The following SLIT1 variants were observed in gnomAD, a reference collection of about 807,000 sequenced individuals.
SLIT1 encodes slit homolog 1 protein.
In SLIT1, 66 loss-of-function variants were observed where a neutral mutation model predicts 186.1. The ratio of observed to expected loss-of-function variants is 0.35; its 90% CI spans 0.29 to 0.44. The LOEUF (loss-of-function observed/expected upper bound fraction) is 0.44. Among genes scored for constraint, SLIT1 ranks in the 20% least tolerant of loss-of-function variants. The pLI is 1.00. For missense variants in SLIT1, 1,638 were observed against 2,037.4 expected (o/e 0.80, Z 3.77); for synonymous variants, 761 against 833.8 (o/e 0.91, Z 1.50).
At chr10:97,143,483 A>G (rs533483260) in intron 4 of SLIT1, among the ~76,000 whole-genome samples, 8 of 152,334 alleles carry the variant, frequency 5.3e-5, no homozygotes, top group African/African-American at 1.9e-4. Context: ...CTGTGGGGAG[A>G]AGGGAATAGA....
At chr10:97,046,561 G>T (rs1815944545) in intron 18 of SLIT1, 93 bp downstream of exon 18, 1 of 1,310,558 alleles carries the variant, frequency 7.6e-7, no homozygotes. Flanking sequence ...CTGGGCCCAG[G>T]GGAGGGGCTC....
In SLIT1 at chr10:97,064,217, T is replaced by C; in HGVS notation, c.580A>G (p.Thr194Ala). 1 of 1,613,342 alleles carries C rather than the reference T, an allele frequency of 6.2e-7. No homozygotes were observed. Among genetic ancestry groups the C allele is most frequent in the Non-Finnish European group, 8.5e-7 (1 of 1,179,764 alleles). The part of the protein sequence containing the change: ...EVLTLNNNNI[T>A]TIPVSSFNHM... ...TTGAAGCTGGACACGGGGATGGTGG[T>C]GATATTGTTGTTGTTCAGGGTCCTA... Residue 194 changes from threonine (T) to alanine (A), a missense_variant, in exon 7 of 37, where the codon ACC (threonine) becomes GCC (alanine). Physicochemically the swap from Thr to Ala is moderately conservative, Grantham distance 58. Around this residue, in one of 3 missense-constraint regions of SLIT1, gnomAD observed 1,245 missense variants for 1,535.3 expected, o/e 0.81. Transcript: ENST00000266058.
chr10:97,134,385 T>G (rs1017535257), intron 4 of SLIT1, among the ~76,000 whole-genome samples: 2 of 152,176 alleles, frequency 1.3e-5, no homozygotes, highest in Non-Finnish European at 2.9e-5. Context: ...GGCCGCGGTT[T>G]CCTGGCAACC....
Position 97,157,858 on chromosome 10 carries a change from G to A in SLIT1, c.373C>T (p.Pro125Ser). Residue 125 changes from proline (P) to serine (S), a missense_variant, in exon 4 of 37, where the codon CCG (proline) becomes TCG (serine). Around this residue, in one of 3 missense-constraint regions of SLIT1, gnomAD observed 1,245 missense variants for 1,535.3 expected, o/e 0.81. Coordinates refer to ENST00000266058, the MANE Select transcript of SLIT1 (RefSeq NM_003061.3). ...TGGTTGTTCTGGAACAGCAGTTCCGGTAACATGTGCAGCTGGTTTCGGTTC... is the reference window on the plus strand; with the variant it reads ...TGGTTGTTCTGGAACAGCAGTTCCGATAACATGTGCAGCTGGTTTCGGTTC... ...RLNRNQLHML[P>S]ELLFQNNQAL... is the part of the protein sequence containing the mutation. The A allele has an allele frequency of 1.2e-6, 2 of 1,614,034 alleles. No homozygotes were observed. The highest frequency in any genetic ancestry group is 1.1e-5 in the South Asian group (1 of 91,078).
intron 1 of SLIT1, among the ~76,000 whole-genome samples, chr10:97,180,748 C>T (rs867158834): frequency 2.0e-5 from 3 of 152,308 alleles, no homozygotes; most frequent in East Asian, 1.9e-4. Context: ...GGTAAATGAG[C>T]GCTCTAAACA....
intron 1 of SLIT1, among the ~76,000 whole-genome samples, chr10:97,182,686 T>C (rs1246443087): frequency 6.6e-6 from 1 of 152,236 alleles, no homozygotes; most frequent in East Asian, 1.9e-4. Flanking sequence ...AAAGTCTTCC[T>C]GACCCTTCCC....
chr10:97,064,255 C>A lies in SLIT1; in HGVS notation c.558-16G>T. 6.2e-7 allele frequency: 1 copy of A among 1,610,188 alleles called. No homozygotes were observed. The highest frequency in any genetic ancestry group is 8.5e-7 in the Non-Finnish European group (1 of 1,177,094). The stretch of plus-strand genomic sequence containing the variant: ...GTTCAGGGTCCTAAATGGGAAAAAC[C>A]AGAGTCATTTAGCACCTGCCCAGCA... On this transcript the variant is annotated splice_polypyrimidine_tract_variant and intron_variant, in intron 6 of 36. Coordinates refer to ENST00000266058, the MANE Select transcript of SLIT1 (RefSeq NM_003061.3).
At chr10:97,064,140 C>G in intron 7 of SLIT1, 28 bp downstream of exon 7, 1 of 1,594,020 alleles carries the variant, frequency 6.3e-7, no homozygotes. Flanking sequence ...CTTGGCTGCC[C>G]CGCTCCCAGC....
At chr10:97,095,378 A>G (rs907059659) in intron 4 of SLIT1, among the ~76,000 whole-genome samples, 11 of 152,214 alleles carry the variant, frequency 7.2e-5, no homozygotes, top group African/African-American at 2.4e-4. Flanking sequence ...TCCTAATGCT[A>G]TTCTTATGGA....
chr10:97,073,105 CT>C (rs1010936683), intron 4 of SLIT1, among the ~76,000 whole-genome samples: 24 of 151,726 alleles, frequency 1.6e-4, no homozygotes, highest in African/African-American at 5.8e-4. Context: ...AAGCTATTCT[CT>C]TTTTTTTTCT....
chr10:97,014,918 T>C (rs1182510455), intron 28 of SLIT1, among the ~76,000 whole-genome samples: 5 of 150,050 alleles, frequency 3.3e-5, no homozygotes, highest in African/African-American at 9.8e-5. Flanking sequence ...TAGTCTTCTA[T>C]AGGGGCCCTG....
chr10:97,005,638 G>C (rs141180696), intron 32 of SLIT1, among the ~76,000 whole-genome samples: 13 of 152,366 alleles, frequency 8.5e-5, no homozygotes, highest in African/African-American at 2.9e-4. Context: ...GATAAACCAA[G>C]GATGTGCCCG....
intron 21 of SLIT1, among the ~76,000 whole-genome samples, chr10:97,038,727 C>T (rs187694715): frequency 6.6e-6 from 1 of 152,272 alleles, no homozygotes. Context: ...CCCAAAGCCC[C>T]AGAGAGGAGC....
At position 97,141,230 on chromosome 10, in the gene SLIT1, G is replaced by A. The variant is rs114193536; in HGVS notation, c.413+16588C>T. On this transcript the variant is annotated intron_variant, in intron 4 of 36. Transcript: ENST00000266058. ...CAGCCCACCCTTCAGCAGCCAGCTC[G>A]TGTCTAGGAAGCCTGCCTCGTGCAG... Among the ~76,000 whole-genome samples the A allele has an allele frequency of 3.7e-3, 556 of 152,282 alleles. 6 individuals are homozygous for A. The highest frequency in any genetic ancestry group is 0.012 in the African/African-American group (507 of 41,558).
At chr10:97,082,156 G>A (rs1416956846) in intron 4 of SLIT1, among the ~76,000 whole-genome samples, 1 of 152,222 alleles carries the variant, frequency 6.6e-6, no homozygotes, top group East Asian at 1.9e-4. Flanking sequence ...AGACCTCCCC[G>A]CTGCCTGCCT....
intron 4 of SLIT1, among the ~76,000 whole-genome samples, chr10:97,108,951 AC>A (rs1192060988): frequency 6.8e-6 from 1 of 146,416 alleles, no homozygotes; most frequent in African/African-American, 2.5e-5. Flanking sequence ...CTGAGATCAC[AC>A]ATGGGCCCAG....
rs1222397503 is a variant in SLIT1 at position 97,021,677 on chromosome 10, C to T, written c.2583-264G>A. ...TCCCAGGTTTAAGCAATTCTCCTGT[C>T]TCATACTCCCAAGTATCTGGGATTA... On this transcript the variant is annotated intron_variant, in intron 25 of 36. Transcript: ENST00000266058. This position sits in a 1 kb window ranked among gnomAD's most constrained non-coding sequence, Gnocchi z 4.5. Among the ~76,000 whole-genome samples the T allele has an allele frequency of 1.3e-5, 2 of 151,766 alleles. No homozygotes were observed. The highest frequency in any genetic ancestry group is 1.3e-4 in the Admixed American group (2 of 15,226).
intron 4 of SLIT1, among the ~76,000 whole-genome samples, chr10:97,142,057 C>T (rs1331451777): frequency 6.6e-6 from 1 of 152,136 alleles, no homozygotes; most frequent in Non-Finnish European, 1.5e-5. Context: ...CCCACGTGGG[C>T]CTCCCAAAGT....
chr10:97,150,252 G>A (rs1352041324), intron 4 of SLIT1, among the ~76,000 whole-genome samples: 2 of 152,166 alleles, frequency 1.3e-5, no homozygotes, highest in African/African-American at 4.8e-5. Flanking sequence ...TCACAATAGC[G>A]AGGTCACCTT....
Sources: allele counts gnomAD v4.1 joint callset (sites outside exome capture counted in the v4.1 genomes callset), GRCh38; gene constraint gnomAD v4.1.1; regional missense constraint gnomAD v4.1.1; non-coding constraint Gnocchi (gnomAD v3.1); transcripts MANE v1.5; gene names NCBI Gene and HGNC (gene_info 2026-07-23, HGNC 2026-07-21).